CACNA1A: variants seen among roughly 807,000 people sequenced by gnomAD.
CACNA1A encodes voltage-dependent P/Q-type calcium channel subunit alpha-1A.
Under a neutral mutation model 262.4 loss-of-function variants are expected in CACNA1A, and 57 were observed. The observed-to-expected ratio is 0.22, with a 90% CI of 0.18 to 0.27. The LOEUF is 0.27. Among genes scored for constraint, CACNA1A ranks in the 10% least tolerant of loss-of-function variants. The pLI is 1.00. For synonymous variants in CACNA1A, 1,431 were observed against 1,419.3 expected, an observed-to-expected ratio of 1.01 and a Z score of -0.18; for missense variants, 2,526 against 3,562.8, an observed-to-expected ratio of 0.71 and a Z score of 7.41.
At chr19:13,279,600 C>A (rs1434315000) in intron 22 of CACNA1A, among the ~76,000 whole-genome samples, 2 of 151,466 alleles carry the variant, frequency 1.3e-5, no homozygotes, top group African/African-American at 4.9e-5. Flanking sequence ...ATTCTTCTGC[C>A]TCAGCCTCCA....
At chr19:13,417,395 G>A (rs555384896) in intron 3 of CACNA1A, among the ~76,000 whole-genome samples, 7 of 152,154 alleles carry the variant, frequency 4.6e-5, no homozygotes, top group South Asian at 2.1e-4. Context: ...GGAAAGAGTC[G>A]CCAAGGGCTG....
intron 1 of CACNA1A, among the ~76,000 whole-genome samples, chr19:13,490,365 GA>G (rs1345012237): frequency 6.6e-6 from 1 of 152,172 alleles, no homozygotes; most frequent in East Asian, 1.9e-4. Flanking sequence ...AGCACTTTGG[GA>G]GGCTGAGGCA....
intron 34 of CACNA1A, among the ~76,000 whole-genome samples, chr19:13,233,810 A>C (rs2055758452): frequency 6.6e-6 from 1 of 152,018 alleles, no homozygotes; most frequent in Admixed American, 6.6e-5. Context: ...TTTATTCTTG[A>C]ATTTTATCTT....
chr19:13,232,806 T>C (rs1464816343), intron 34 of CACNA1A, among the ~76,000 whole-genome samples: 1 of 151,228 alleles, frequency 6.6e-6, no homozygotes, highest in East Asian at 1.9e-4. Context: ...CCCAGCACTT[T>C]GGGTGGCTGA....
chr19:13,368,281 A>G (rs1467477375), intron 4 of CACNA1A, among the ~76,000 whole-genome samples: 3 of 150,870 alleles, frequency 2.0e-5, no homozygotes, highest in Non-Finnish European at 4.4e-5. Flanking sequence ...GCACCACTGC[A>G]CTCCAGCCTG....
chr19:13,240,665 GTGAC>G (rs1352662637), intron 31 of CACNA1A, among the ~76,000 whole-genome samples: 1 of 149,940 alleles, frequency 6.7e-6, no homozygotes, highest in African/African-American at 2.5e-5. Flanking sequence ...TGTGTGGATA[GTGAC>G]TGTGTGTGCA....
chr19:13,453,791 T>C (rs2144940784), intron 2 of CACNA1A, among the ~76,000 whole-genome samples: 1 of 152,348 alleles, frequency 6.6e-6, no homozygotes, highest in Non-Finnish European at 1.5e-5. Context: ...CTACAATCAT[T>C]TTCACTCTGC....
intron 38 of CACNA1A, among the ~76,000 whole-genome samples, chr19:13,218,221 G>A (rs1209330715): frequency 6.6e-6 from 1 of 151,994 alleles, no homozygotes; most frequent in Non-Finnish European, 1.5e-5. Context: ...TTCCCCAGTA[G>A]CTGGGATTAC....
chr19:13,393,623 TTTC>T (rs2059751672), intron 3 of CACNA1A, among the ~76,000 whole-genome samples: 1 of 148,464 alleles, frequency 6.7e-6, no homozygotes. Flanking sequence ...CCTTCCTTTT[TTTC>T]TTTCTTTAGC....
intron 17 of CACNA1A, among the ~76,000 whole-genome samples, chr19:13,302,159 T>G (rs2057801018): frequency 6.6e-6 from 1 of 152,210 alleles, no homozygotes; most frequent in South Asian, 2.1e-4. Context: ...TGTGTGGCCT[T>G]GGGCAAGTCT....
chr19:13,223,950 G>C (rs1022956539), intron 38 of CACNA1A, among the ~76,000 whole-genome samples: 15 of 152,100 alleles, frequency 9.9e-5, no homozygotes, highest in African/African-American at 3.6e-4. Context: ...AGGACTGCTT[G>C]AGCCCAGGAG....
intron 3 of CACNA1A, among the ~76,000 whole-genome samples, chr19:13,446,442 C>CT (rs547034790): frequency 0.075 from 9,151 of 122,450 alleles, 693 homozygotes; most frequent in East Asian, 0.23. Context: ...TTTTTTCTTT[C>CT]TTTTTTTTTT....
chr19:13,396,373 G>A lies in CACNA1A; in HGVS notation c.540-24594C>T, dbSNP rs542403559. 2.0e-5 allele frequency among the ~76,000 whole-genome samples: 3 copies of A among 152,254 alleles called. No individual in the cohort carries two copies. In the East Asian group the frequency reaches 5.8e-4, roughly 29 times the overall value. On this transcript the variant is annotated intron_variant, in intron 3 of 46. Transcript: ENST00000360228. Reference sequence around the variant, plus strand: ...CCTCCCTACTGATCCACAGCTCTCTGTCTCCCTTCAAAACTGCCTCTTGTG... The same window carrying A: ...CCTCCCTACTGATCCACAGCTCTCTATCTCCCTTCAAAACTGCCTCTTGTG...
At chr19:13,372,915 C>T (rs1030310301) in intron 3 of CACNA1A, among the ~76,000 whole-genome samples, 16 of 152,096 alleles carry the variant, frequency 1.1e-4, no homozygotes, top group African/African-American at 3.9e-4. Context: ...AGAAACCCTC[C>T]GAGCAAGACC....
intron 40 of CACNA1A, chr19:13,213,990 T>G: frequency 2.0e-6 from 1 of 505,738 alleles, no homozygotes. Context: ...CTGGCTAATG[T>G]TTTATTTTGT....
At chr19:13,277,156 T>C (rs140721909) in intron 22 of CACNA1A, 28 bp from the exon 23 acceptor site, 36,441 of 1,546,854 alleles carry the variant, frequency 0.024, 575 homozygotes, top group Non-Finnish European at 0.027. Flanking sequence ...AAGAGAGCAG[T>C]GGATCACTGG....
At chr19:13,402,777 T>TATACATATATACAC (rs1555781040) in intron 3 of CACNA1A, among the ~76,000 whole-genome samples, 138 of 133,446 alleles carry the variant, frequency 1.0e-3, no homozygotes, top group African/African-American at 3.8e-3. Context: ...TACATATATA[T>TATACATATATACAC]ACATATATAT....
intron 24 of CACNA1A, among the ~76,000 whole-genome samples, chr19:13,267,145 AG>A (rs1268728440): frequency 6.6e-6 from 1 of 152,074 alleles, no homozygotes; most frequent in African/African-American, 2.4e-5. Flanking sequence ...AGAGAGAGAG[AG>A]AAAGAGAGAG....
chr19:13,248,417 A>AAAC (rs2056307867), intron 30 of CACNA1A, among the ~76,000 whole-genome samples: 1 of 147,434 alleles, frequency 6.8e-6, no homozygotes, highest in Non-Finnish European at 1.5e-5. Flanking sequence ...CTCAAAAAAA[A>AAAC]AAAAAAAAAA....
Sources: gnomAD v4.1 joint callset for allele counts (sites outside exome capture counted in the v4.1 genomes callset) on GRCh38, gnomAD v4.1.1 for gene constraint, MANE v1.5 for transcripts, NCBI Gene and HGNC (gene_info 2026-07-23, HGNC 2026-07-21) for gene names.